Variants in RBFOX1 observed in about 807,000 individuals in gnomAD.
The protein encoded by RBFOX1 is RNA binding protein fox-1 homolog 1.
A neutral mutation model predicts 57.7 loss-of-function variants in RBFOX1; 8 were observed. The observed-to-expected ratio is 0.14, with a 90% CI of 0.08 to 0.25. The LOEUF is 0.25. Among genes scored for constraint, RBFOX1 ranks in the 10% least tolerant of loss-of-function variants. The pLI is 1.00. For missense variants in RBFOX1, 611 were observed against 548.5 expected (o/e 1.11, Z -1.14); for synonymous variants, 326 against 222.4 (o/e 1.47, Z -4.15).
chr16:6,831,046 T>C lies in RBFOX1; in HGVS notation c.-16+176396T>C, dbSNP rs145514758. 8.7e-3 allele frequency among the ~76,000 whole-genome samples: 1,327 copies of C among 152,320 alleles called. 9 individuals are homozygous for C. Among genetic ancestry groups the C allele is most frequent in the Admixed American group, 0.014 (207 of 15,298 alleles). ...CCTTTTCCCAATTGATCTCACTCTT[T>C]TTGCTCTAATCAAATGTACCTCAAC... On this transcript the variant is annotated intron_variant, in intron 3 of 15. Coordinates refer to ENST00000550418, the MANE Select transcript of RBFOX1 (RefSeq NM_018723.4).
intron 3 of RBFOX1, among the ~76,000 whole-genome samples, chr16:6,784,055 C>T (rs557875823): frequency 2.0e-5 from 3 of 152,074 alleles, no homozygotes; most frequent in Non-Finnish European, 4.4e-5. Flanking sequence ...TCTCCTGCTA[C>T]TCTTAGGGTC....
intron 2 of RBFOX1, among the ~76,000 whole-genome samples, chr16:6,363,027 C>A (rs753103824): frequency 6.6e-6 from 1 of 152,132 alleles, no homozygotes; most frequent in African/African-American, 2.4e-5. Context: ...TCAAAGCAGG[C>A]GTGCACAGTT....
At chr16:5,928,793 C>G (rs982961319) in intron 4 of RBFOX1, among the ~76,000 whole-genome samples, 2 of 151,896 alleles carry the variant, frequency 1.3e-5, no homozygotes, top group Non-Finnish European at 2.9e-5. Flanking sequence ...AGTTGTCTGA[C>G]CAGTTCTTTC....
At chr16:7,169,939 G>T (rs1221992274) in intron 4 of RBFOX1, among the ~76,000 whole-genome samples, 1 of 152,076 alleles carries the variant, frequency 6.6e-6, no homozygotes, top group Admixed American at 6.5e-5. Flanking sequence ...TGGGCATGGT[G>T]ACACACGCCT....
intron 1 of RBFOX1, among the ~76,000 whole-genome samples, chr16:5,423,005 G>GGAGGAGA (rs1256700153): frequency 7.9e-5 from 9 of 114,536 alleles, no homozygotes; most frequent in Non-Finnish European, 1.6e-4. Flanking sequence ...AGGGGAGGAA[G>GGAGGAGA]GAGGAGAAAG....
At chr16:7,552,897 G>T (rs1234400094) in intron 5 of RBFOX1, among the ~76,000 whole-genome samples, 4 of 151,962 alleles carry the variant, frequency 2.6e-5, no homozygotes, top group African/African-American at 9.7e-5. Flanking sequence ...TGGCCAGGCT[G>T]GTCTCAAACT....
intron 2 of RBFOX1, among the ~76,000 whole-genome samples, chr16:6,653,500 A>C (rs2098616143): frequency 6.6e-6 from 1 of 152,190 alleles, no homozygotes; most frequent in South Asian, 2.1e-4. Context: ...CTAATTAATG[A>C]GTTCCCTGAG....
At chr16:7,030,756 C>A (rs866823301) in intron 3 of RBFOX1, among the ~76,000 whole-genome samples, 1 of 152,162 alleles carries the variant, frequency 6.6e-6, no homozygotes, top group African/African-American at 2.4e-5. Flanking sequence ...CACTATTCAA[C>A]CCATTATACA....
At chr16:7,282,158 T>C (rs7189624) in intron 4 of RBFOX1, among the ~76,000 whole-genome samples, 18,435 of 152,146 alleles carry the variant, frequency 0.12, 1,529 homozygotes, top group South Asian at 0.24. Context: ...CCACTGTACC[T>C]GGCCGACTAA....
chr16:6,231,970 G>C (rs1161005417), intron 1 of RBFOX1, among the ~76,000 whole-genome samples: 1 of 151,704 alleles, frequency 6.6e-6, no homozygotes, highest in African/African-American at 2.4e-5. Context: ...AATTATGCAC[G>C]GGAGGGAGGT....
chr16:6,101,462 C>G (rs2096307266), intron 1 of RBFOX1, among the ~76,000 whole-genome samples: 1 of 152,044 alleles, frequency 6.6e-6, no homozygotes, highest in South Asian at 2.1e-4. Flanking sequence ...GTATCTTCTA[C>G]TTTTTAAATT....
At chr16:7,633,049 G>A (rs2061236884) in intron 11 of RBFOX1, among the ~76,000 whole-genome samples, 1 of 152,136 alleles carries the variant, frequency 6.6e-6, no homozygotes, top group Non-Finnish European at 1.5e-5. Flanking sequence ...TCTAAAGCGA[G>A]GGCCACCCAA....
At chr16:7,271,688 A>G (rs1183673024) in intron 4 of RBFOX1, among the ~76,000 whole-genome samples, 1 of 152,162 alleles carries the variant, frequency 6.6e-6, no homozygotes, top group African/African-American at 2.4e-5. Flanking sequence ...GTCGGGAAAC[A>G]GTGATTTAAA....
intron 2 of RBFOX1, among the ~76,000 whole-genome samples, chr16:6,489,699 G>A (rs55755626): frequency 2.6e-5 from 4 of 152,070 alleles, no homozygotes; most frequent in Admixed American, 6.5e-5. Context: ...ACCTGTTTTT[G>A]AAAGAGCATG....
chr16:7,031,857 C>A (rs2042885523), intron 3 of RBFOX1, among the ~76,000 whole-genome samples: 1 of 152,156 alleles, frequency 6.6e-6, no homozygotes, highest in Non-Finnish European at 1.5e-5. Context: ...GCTGGACACA[C>A]AGGGAGCTCC....
intron 3 of RBFOX1, among the ~76,000 whole-genome samples, chr16:5,720,642 T>C (rs1243310515): frequency 6.6e-6 from 1 of 152,202 alleles, no homozygotes; most frequent in African/African-American, 2.4e-5. Flanking sequence ...CTTCATTCTC[T>C]TGTGTGCAGT....
intron 3 of RBFOX1, among the ~76,000 whole-genome samples, chr16:7,022,037 C>A (rs1197219427): frequency 2.6e-5 from 2 of 76,928 alleles, no homozygotes; most frequent in Non-Finnish European, 5.0e-5. Flanking sequence ...CCTTCCCCTC[C>A]CCTTCCCCCT....
intron 4 of RBFOX1, among the ~76,000 whole-genome samples, chr16:5,938,749 C>T (rs1193268232): frequency 2.0e-5 from 3 of 152,174 alleles, no homozygotes; most frequent in African/African-American, 7.2e-5. Flanking sequence ...CCTCCATAAA[C>T]AGTCATTTTG....
At chr16:6,873,022 C>T (rs193069194) in intron 3 of RBFOX1, among the ~76,000 whole-genome samples, 1 of 151,874 alleles carries the variant, frequency 6.6e-6, no homozygotes, top group Non-Finnish European at 1.5e-5. Context: ...AGATATACTG[C>T]AGTGTGTTCT....
Sources: gnomAD v4.1 joint callset for allele counts (sites outside exome capture counted in the v4.1 genomes callset) on GRCh38, gnomAD v4.1.1 for gene constraint, MANE v1.5 for transcripts, NCBI Gene and HGNC (gene_info 2026-07-23, HGNC 2026-07-21) for gene names.